PSMD9: variants seen among roughly 807,000 people sequenced by gnomAD.
PSMD9 encodes 26S proteasome non-ATPase regulatory subunit 9.
Under a neutral mutation model 25.9 loss-of-function variants are expected in PSMD9, and 26 were observed. That is an observed-to-expected ratio of 1.00 (90% CI 0.73 to 1.39). PSMD9 has a LOEUF of 1.39. Among genes scored for constraint, PSMD9 ranks in the 40% most tolerant of loss-of-function variants. The pLI, the probability that PSMD9 is intolerant of heterozygous loss-of-function variation, is 0.00. For missense variants in PSMD9, 303 were observed against 299.3 expected (o/e 1.01, Z -0.09); for synonymous variants, 110 against 114.5 (o/e 0.96, Z 0.25).
intron 1 of PSMD9, among the ~76,000 whole-genome samples, chr12:121,893,006 G>T (rs1395249511): frequency 6.6e-6 from 1 of 152,214 alleles, no homozygotes; most frequent in Non-Finnish European, 1.5e-5. Flanking sequence ...GTGTTGCAGA[G>T]ACCAGCACCA....
intron 5 of PSMD9, 87 bp from the exon 6 acceptor site, chr12:121,916,197 T>C: frequency 1.3e-6 from 2 of 1,526,090 alleles, no homozygotes; most frequent in South Asian, 1.1e-5. Context: ...TGAAAGAACA[T>C]TGGTGAAAAG....
At position 121,916,315 on chromosome 12, in the gene PSMD9, T is replaced by C. The variant is rs1198750764; in HGVS notation, c.*4T>C. 2 of 1,613,974 alleles carry C rather than the reference T, an allele frequency of 1.2e-6. No individual in the cohort carries two copies. The highest frequency in any genetic ancestry group is 1.7e-6 in the Non-Finnish European group (2 of 1,179,834). ...CATTATTCCTCTGCAAAGATGATTG[T>C]CCCTGGGGAACAGTAACAGGAAAGC... is the stretch of plus-strand genomic sequence containing the variant. On this transcript the variant is annotated 3_prime_UTR_variant, in exon 6 of 6. Coordinates refer to ENST00000541212, the MANE Select transcript of PSMD9 (RefSeq NM_002813.7).
chr12:121,895,166 C>T (rs1404712981), intron 2 of PSMD9, among the ~76,000 whole-genome samples: 1 of 151,984 alleles, frequency 6.6e-6, no homozygotes, highest in Non-Finnish European at 1.5e-5. Context: ...CTGCCTCAGC[C>T]TCCCAAGTAG....
At chr12:121,894,964 T>G in intron 2 of PSMD9, 123 bp downstream of exon 2, 1 of 848,078 alleles carries the variant, frequency 1.2e-6, no homozygotes, top group Non-Finnish European at 1.9e-6. Context: ...GATTGTCTTG[T>G]CCCCATCCAA....
rs780762107 is a variant in PSMD9, at chr12:121,916,334, G to T, written c.*23G>T. The T allele has an allele frequency of 2.5e-6, 4 of 1,612,528 alleles. No homozygotes were observed. Among genetic ancestry groups the T allele is most frequent in the Non-Finnish European group, 3.4e-6 (4 of 1,178,692 alleles). On this transcript the variant is annotated 3_prime_UTR_variant, in exon 6 of 6. Transcript: ENST00000541212. ...TGATTGTCCCTGGGGAACAGTAACA[G>T]GAAAGCATCTTCCCTTGCCCTGGAC...
At chr12:121,909,090 A>T (rs1272141788) in intron 4 of PSMD9, among the ~76,000 whole-genome samples, 1 of 152,104 alleles carries the variant, frequency 6.6e-6, no homozygotes, top group Non-Finnish European at 1.5e-5. Flanking sequence ...GAGCTGTAGC[A>T]GTCAGTCAAG....
intron 3 of PSMD9, chr12:121,902,078 C>G (rs1879416589): frequency 6.6e-6 from 1 of 152,204 alleles, no homozygotes; most frequent in African/African-American, 2.4e-5. Context: ...ATTGTTACCA[C>G]TTTTTGGCTA....
chr12:121,908,832 C>T (rs1387112433), intron 4 of PSMD9, among the ~76,000 whole-genome samples: 1 of 152,058 alleles, frequency 6.6e-6, no homozygotes, highest in Non-Finnish European at 1.5e-5. Context: ...GCCTTCAAAG[C>T]AGGTTCATAG....
At chr12:121,889,037 C>T (rs1411952299) in intron 1 of PSMD9, 43 bp downstream of exon 1, 1 of 1,554,562 alleles carries the variant, frequency 6.4e-7, no homozygotes, top group Non-Finnish European at 8.7e-7. Context: ...TAACCCGGCC[C>T]GGAGTCCCTG....
At chr12:121,906,023 C>CTGAGTGATTCT (rs1879544561) in intron 4 of PSMD9, among the ~76,000 whole-genome samples, 3 of 150,264 alleles carry the variant, frequency 2.0e-5, no homozygotes, top group Non-Finnish European at 2.9e-5. Flanking sequence ...TTCACTCAGC[C>CTGAGTGATTCT]CAGTGGATTC....
chr12:121,891,968 G>A (rs888608527), intron 1 of PSMD9, among the ~76,000 whole-genome samples: 5 of 149,716 alleles, frequency 3.3e-5, no homozygotes, highest in African/African-American at 7.4e-5. Context: ...ATAAAGCATA[G>A]GAGTAAATCT....
In PSMD9 at chr12:121,912,939, C is replaced by T. The variant is rs1401288626; in HGVS notation, c.556-2917C>T. ...TCCTTTGCTCATTTTCTTTTCTTTT[C>T]TTTTTTTTTTTTTTTGAGACGGAGT... On this transcript the variant is annotated intron_variant, in intron 4 of 5. Transcript: ENST00000541212. Among the ~76,000 whole-genome samples, 351 of 129,320 alleles carry T rather than the reference C, an allele frequency of 2.7e-3. 2 individuals are homozygous for T. Among genetic ancestry groups the T allele is most frequent in the African/African-American group, 9.1e-3 (323 of 35,380 alleles). The allele number at this position is 129,320 out of a possible 152,430, so 84.8% of individuals were successfully genotyped here. A position where few individuals can be genotyped will look rare whatever the true frequency, so the allele number is the denominator to read the frequency against.
At chr12:121,892,660 C>T (rs1026221196) in intron 1 of PSMD9, among the ~76,000 whole-genome samples, 1 of 151,608 alleles carries the variant, frequency 6.6e-6, no homozygotes, top group African/African-American at 2.4e-5. Flanking sequence ...AAGATCTCGC[C>T]ACTGTACTCT....
intron 4 of PSMD9, among the ~76,000 whole-genome samples, chr12:121,906,544 C>T (rs1348707622): frequency 6.6e-6 from 1 of 151,778 alleles, no homozygotes; most frequent in African/African-American, 2.4e-5. Flanking sequence ...GTGGCTCACA[C>T]CTGTAATCCC....
intron 3 of PSMD9, among the ~76,000 whole-genome samples, 199 bp downstream of exon 3, chr12:121,900,044 G>T (rs760897487): frequency 6.6e-6 from 1 of 152,164 alleles, no homozygotes; most frequent in African/African-American, 2.4e-5. Flanking sequence ...GGTCAGCCCC[G>T]GCTGCCCACT....
intron 1 of PSMD9, among the ~76,000 whole-genome samples, chr12:121,890,701 G>A (rs1879045399): frequency 6.6e-6 from 1 of 151,988 alleles, no homozygotes; most frequent in Non-Finnish European, 1.5e-5. Context: ...GAAACTCCTG[G>A]GCTCAAGCAG....
chr12:121,900,227 G>A (rs1879351721), intron 3 of PSMD9, among the ~76,000 whole-genome samples: 1 of 152,092 alleles, frequency 6.6e-6, no homozygotes, highest in African/African-American at 2.4e-5. Context: ...AAAAACATTA[G>A]GCTGGGCACA....
At chr12:121,910,083 C>CTT (rs34940246) in intron 4 of PSMD9, among the ~76,000 whole-genome samples, 8,757 of 95,540 alleles carry the variant, frequency 0.092, 1,451 homozygotes, top group African/African-American at 0.24. Context: ...TAGGAAATGA[C>CTT]TTTTTTTTTT....
At chr12:121,910,232 C>T (rs1333518140) in intron 4 of PSMD9, among the ~76,000 whole-genome samples, 2 of 151,398 alleles carry the variant, frequency 1.3e-5, no homozygotes. Context: ...ACTACAGGTG[C>T]CTGCCACCAT....
Sources: allele counts gnomAD v4.1 joint callset (sites outside exome capture counted in the v4.1 genomes callset), GRCh38; gene constraint gnomAD v4.1.1; transcripts MANE v1.5; gene names NCBI Gene and HGNC (gene_info 2026-07-23, HGNC 2026-07-21).